Variants in SHBG observed in about 807,000 individuals in gnomAD.
SHBG encodes sex hormone binding globulin.
SHBG carries 37 observed loss-of-function variants against 41.9 expected under a neutral mutation model. That is an observed-to-expected ratio of 0.88 (90% CI 0.68 to 1.16). SHBG has a LOEUF of 1.16. Among genes scored for constraint, SHBG ranks in the 50% most tolerant of loss-of-function variants. SHBG has a pLI of 0.00. For synonymous variants in SHBG, 217 were observed against 205.8 expected (o/e 1.05, Z -0.47); for missense variants, 466 against 499.9 (o/e 0.93, Z 0.65).
intron 4 of SHBG, 29 bp downstream of exon 4, chr17:7,631,390 G>C: frequency 6.2e-7 from 1 of 1,608,676 alleles, no homozygotes; most frequent in Non-Finnish European, 8.5e-7. Flanking sequence ...TGGAACCCTA[G>C]CCAAGACTTG....
At chr17:7,626,340 T>G, upstream of SHBG, 2 of 1,281,838 alleles carry the variant, frequency 1.6e-6, no homozygotes, top group Non-Finnish European at 2.2e-6. Flanking sequence ...TAACCCTCCT[T>G]CCTCCAGGGA....
At chr17:7,626,755 C>A (rs1340209627), upstream of SHBG, 19 of 1,614,074 alleles carry the variant, frequency 1.2e-5, no homozygotes, top group Admixed American at 3.0e-4. Context: ...CTCCTCACCT[C>A]AGCCACCTTT....
At chr17:7,628,083 C>A, upstream of SHBG, 1 of 465,926 alleles carries the variant, frequency 2.1e-6, no homozygotes, top group African/African-American at 2.0e-5. Context: ...CCCCGCAGTG[C>A]TTTTTAAATT....
At chr17:7,627,511 T>G (rs2072253133), upstream of SHBG, 1 of 1,289,232 alleles carries the variant, frequency 7.8e-7, no homozygotes, top group Non-Finnish European at 1.1e-6. This position sits in a 1 kb window ranked among gnomAD's most constrained non-coding sequence, Gnocchi z 4.8. Flanking sequence ...CCCCGCCTCC[T>G]ACGACCCCGC....
chr17:7,615,514 G>A (rs1001984611), intron 1 of SHBG, among the ~76,000 whole-genome samples: 1 of 152,196 alleles, frequency 6.6e-6, no homozygotes, highest in African/African-American at 2.4e-5. Context: ...TACAATGAAA[G>A]TTTTGGCCGG....
intron 6 of SHBG, 141 bp downstream of exon 6, chr17:7,632,156 T>G (rs1305059219): frequency 1.1e-6 from 1 of 938,974 alleles, no homozygotes; most frequent in Non-Finnish European, 1.7e-6. Flanking sequence ...TTGTTTTTCA[T>G]TAATAATTAG....
chr17:7,633,118 G>T, intron 7 of SHBG, 86 bp from the exon 8 acceptor site: 2 of 1,540,306 alleles, frequency 1.3e-6, no homozygotes, highest in Admixed American at 3.3e-5. Context: ...GCAAACTCAG[G>T]TTGGAGGAGT....
At chr17:7,627,952 C>A (rs776802410), upstream of SHBG, 1 of 542,514 alleles carries the variant, frequency 1.8e-6, no homozygotes. The surrounding 1 kb of genome is among the most constrained non-coding windows in gnomAD (Gnocchi z 4.8). Flanking sequence ...AAGCCCCACC[C>A]CCGACAGCTG....
At chr17:7,632,199 G>C (rs2072440410) in intron 6 of SHBG, 184 bp downstream of exon 6, 1 of 693,888 alleles carries the variant, frequency 1.4e-6, no homozygotes, top group African/African-American at 1.8e-5. Flanking sequence ...GTAATCCCAG[G>C]TGCTGGAGGC....
chr17:7,617,619 A>G (rs2072017214), intron 1 of SHBG, among the ~76,000 whole-genome samples: 1 of 152,164 alleles, frequency 6.6e-6, no homozygotes, highest in Non-Finnish European at 1.5e-5. Flanking sequence ...TTAAAATAAA[A>G]AACAAAAATA....
chr17:7,627,692 C>A, upstream of SHBG: 2 of 1,593,406 alleles, frequency 1.3e-6, no homozygotes, highest in Non-Finnish European at 1.7e-6. The surrounding 1 kb of genome is among the most constrained non-coding windows in gnomAD (Gnocchi z 4.8). Context: ...GCAACTAGAC[C>A]CCTTAAAGGG....
chr17:7,621,506 C>T (rs1488618566), intron 1 of SHBG, among the ~76,000 whole-genome samples: 1 of 127,948 alleles, frequency 7.8e-6, no homozygotes, highest in Non-Finnish European at 1.7e-5. Flanking sequence ...GAGGTTGAGG[C>T]AGGAGAATCA....
chr17:7,626,595 C>G (rs1239716818), upstream of SHBG: 1 of 1,613,246 alleles, frequency 6.2e-7, no homozygotes. Context: ...GAATTGGGAG[C>G]AGCCCTTATC....
intron 7 of SHBG, 113 bp downstream of exon 7, chr17:7,633,072 G>A (rs2072472213): frequency 1.4e-6 from 2 of 1,413,402 alleles, no homozygotes; most frequent in African/African-American, 2.8e-5. Context: ...TAGGCCACAA[G>A]AAGAAGATAT....
upstream of SHBG, among the ~76,000 whole-genome samples, chr17:7,629,880 G>A (rs1315180423): frequency 6.6e-6 from 1 of 151,986 alleles, no homozygotes; most frequent in East Asian, 1.9e-4. Context: ...CCTAGATCAG[G>A]CCCTAGAGGA....
chr17:7,627,793 T>C, upstream of SHBG: 1 of 813,072 alleles, frequency 1.2e-6, no homozygotes. The surrounding 1 kb of genome is among the most constrained non-coding windows in gnomAD (Gnocchi z 4.8). Context: ...TAAGTGGAGC[T>C]GGGATTCCGG....
upstream of SHBG, among the ~76,000 whole-genome samples, chr17:7,624,163 G>A (rs1437113681): frequency 6.6e-6 from 1 of 151,944 alleles, no homozygotes; most frequent in Non-Finnish European, 1.5e-5. Context: ...TGTTCGCCAG[G>A]CTGGTCTCAA....
chr17:7,626,677 T>G, upstream of SHBG: 1 of 1,612,054 alleles, frequency 6.2e-7, no homozygotes, highest in Non-Finnish European at 8.5e-7. Flanking sequence ...TCTCACTCCC[T>G]CTTTCAACCC....
At chr17:7,625,121 G>A (rs1350052350), upstream of SHBG, among the ~76,000 whole-genome samples, 1 of 151,348 alleles carries the variant, frequency 6.6e-6, no homozygotes, top group East Asian at 2.0e-4. Flanking sequence ...GGCTAATTTT[G>A]TATTTTTAGT....
Sources: allele counts gnomAD v4.1 joint callset (sites outside exome capture counted in the v4.1 genomes callset), GRCh38; gene constraint gnomAD v4.1.1; non-coding constraint Gnocchi (gnomAD v3.1); transcripts MANE v1.5; gene names NCBI Gene and HGNC (gene_info 2026-07-23, HGNC 2026-07-21).